CLEC2A: variants seen among roughly 807,000 people sequenced by gnomAD.
CLEC2A encodes the protein keratinocyte-associated C-type lectin.
Under a neutral mutation model 18.6 loss-of-function variants are expected in CLEC2A, and 19 were observed. The ratio of observed to expected loss-of-function variants is 1.02; its 90% CI spans 0.71 to 1.50. The LOEUF (loss-of-function observed/expected upper bound fraction) is 1.50, where lower values mean the gene tolerates loss of function less well. Among genes scored for constraint, CLEC2A ranks in the 40% most tolerant of loss-of-function variants. CLEC2A has a pLI of 0.00. For missense variants in CLEC2A, 190 were observed against 207.9 expected, an observed-to-expected ratio of 0.91 and a Z score of 0.53; for synonymous variants, 74 against 64.0, an observed-to-expected ratio of 1.16 and a Z score of -0.75.
chr12:9,909,593 T>C (rs12314775), downstream of CLEC2A, among the ~76,000 whole-genome samples: 2,902 of 152,334 alleles, frequency 0.019, 83 homozygotes, highest in African/African-American at 0.067. Context: ...GGAGCATTTA[T>C]GAAGCTGATG....
At chr12:9,902,152 C>T (rs1358107524) in intron 4 of CLEC2A, among the ~76,000 whole-genome samples, 3 of 151,204 alleles carry the variant, frequency 2.0e-5, no homozygotes, top group Non-Finnish European at 2.9e-5. Flanking sequence ...GTAGTTTCCA[C>T]TAATGCCTAG....
intron 2 of CLEC2A, among the ~76,000 whole-genome samples, chr12:9,924,626 T>C (rs909168820): frequency 6.6e-6 from 1 of 152,194 alleles, no homozygotes; most frequent in Non-Finnish European, 1.5e-5. Context: ...AATAAACCCA[T>C]AGAACCCAGA....
chr12:9,908,046 A>C (rs973761056), intron 4 of CLEC2A, among the ~76,000 whole-genome samples: 2 of 152,198 alleles, frequency 1.3e-5, no homozygotes, highest in Non-Finnish European at 2.9e-5. Flanking sequence ...TGGGGTGTTA[A>C]AAGAGGACAT....
intron 1 of CLEC2A, among the ~76,000 whole-genome samples, chr12:9,927,498 T>A (rs961436548): frequency 6.6e-6 from 1 of 152,194 alleles, no homozygotes; most frequent in African/African-American, 2.4e-5. Context: ...TATGCATATA[T>A]ATGCTTTATA....
chr12:9,916,489 C>T (rs1863072871), intron 4 of CLEC2A, among the ~76,000 whole-genome samples: 1 of 152,146 alleles, frequency 6.6e-6, no homozygotes, highest in South Asian at 2.1e-4. Flanking sequence ...TGGAAGATTT[C>T]ACCATGTGTC....
the CLEC2A span, among the ~76,000 whole-genome samples, chr12:9,889,381 A>G: frequency 1.3e-5 from 2 of 152,088 alleles, no homozygotes; most frequent in Non-Finnish European, 2.9e-5. Context: ...ATGAAATTGG[A>G]TTTTGCATTT....
rs145838627 is a variant in CLEC2A at position 9,932,358 on chromosome 12, A to G, written c.-29T>C. 1.4e-4 allele frequency: 216 copies of G among 1,551,260 alleles called. 2 individuals carry two copies. The East Asian group carries it at 3.4e-3, about 24-fold the overall frequency. ...AAGGCGCTAACCGATGGAGATCAGT[A>G]GGAGAGGACTAGAAAGCTTTTCATG... On this transcript the variant is annotated 5_prime_UTR_variant, in exon 1 of 5. Coordinates refer to ENST00000455827, the MANE Select transcript of CLEC2A (RefSeq NM_001130711.2).
chr12:9,912,261 G>T (rs993842972), downstream of CLEC2A, among the ~76,000 whole-genome samples: 1 of 152,174 alleles, frequency 6.6e-6, no homozygotes, highest in South Asian at 2.1e-4. Context: ...GGAAGGCTGT[G>T]GTGGCTTATG....
rs1420476861 is a variant in CLEC2A at position 9,920,214 on chromosome 12, C to A, written c.306+1852G>T. 2.0e-5 allele frequency among the ~76,000 whole-genome samples: 3 copies of A among 152,170 alleles called. No individual in the cohort carries two copies. The East Asian group carries it at 5.8e-4, about 29-fold the overall frequency. On this transcript the variant is annotated intron_variant, in intron 3 of 4. Coordinates refer to ENST00000455827, the MANE Select transcript of CLEC2A (RefSeq NM_001130711.2). ...TCGCTGCTCAGCCTCCTGGATTCAG[C>A]CCCTTTACTAGGGATGTGTAAGGGG... is the stretch of plus-strand genomic sequence containing the variant.
chr12:9,899,056 G>A, intron 4 of CLEC2A: 2 of 664,774 alleles, frequency 3.0e-6, no homozygotes, highest in Non-Finnish European at 2.8e-6. Context: ...AGTAAGAATG[G>A]CTCGAAAATT....
downstream of CLEC2A, among the ~76,000 whole-genome samples, chr12:9,910,452 C>T (rs1467615087): frequency 2.4e-4 from 36 of 152,150 alleles, no homozygotes; most frequent in Admixed American, 2.4e-3. Context: ...CTAGAGATTT[C>T]TTGCCCTCCC....
chr12:9,897,831 A>G (rs533696671), downstream of CLEC2A, among the ~76,000 whole-genome samples: 28 of 152,256 alleles, frequency 1.8e-4, no homozygotes, highest in African/African-American at 6.5e-4. Context: ...TTCTCTGGGG[A>G]TCTGCCCTTA....
At chr12:9,894,564 A>C (rs1204629367), downstream of CLEC2A, among the ~76,000 whole-genome samples, 2 of 152,196 alleles carry the variant, frequency 1.3e-5, no homozygotes, top group Admixed American at 1.3e-4. Flanking sequence ...GAGGTGTTGC[A>C]TGTAAGAGTG....
chr12:9,920,757 GT>G (rs1863159129), intron 3 of CLEC2A, among the ~76,000 whole-genome samples: 1 of 152,088 alleles, frequency 6.6e-6, no homozygotes, highest in Non-Finnish European at 1.5e-5. Flanking sequence ...CTTACTCTGT[GT>G]CCCTAGAGTC....
At chr12:9,892,371 AG>A in the CLEC2A span, among the ~76,000 whole-genome samples, 5 of 152,298 alleles carry the variant, frequency 3.3e-5, no homozygotes, top group African/African-American at 1.2e-4. Context: ...GAAATGTCAA[AG>A]GAATTAGAAC....
intron 1 of CLEC2A, among the ~76,000 whole-genome samples, chr12:9,931,097 A>G (rs1863368294): frequency 6.6e-6 from 1 of 152,104 alleles, no homozygotes. Context: ...GCTTTCTCAT[A>G]ATCTTCCAGT....
the CLEC2A span, among the ~76,000 whole-genome samples, chr12:9,890,843 G>A: frequency 2.6e-5 from 4 of 152,178 alleles, no homozygotes; most frequent in African/African-American, 9.7e-5. Context: ...CCAGAGGCTG[G>A]ACCTATGGGG....
At chr12:9,928,035 C>G (rs116289691) in intron 1 of CLEC2A, among the ~76,000 whole-genome samples, 2 of 151,970 alleles carry the variant, frequency 1.3e-5, no homozygotes, top group African/African-American at 4.8e-5. Context: ...TATTATTGAC[C>G]TGAACATAAA....
chr12:9,928,113 T>C (rs934833696), intron 1 of CLEC2A, among the ~76,000 whole-genome samples: 5 of 152,172 alleles, frequency 3.3e-5, no homozygotes, highest in African/African-American at 1.2e-4. Flanking sequence ...TAAAGCTGTC[T>C]TAGAGAAAGA....
Sources: gnomAD v4.1 joint callset for allele counts (sites outside exome capture counted in the v4.1 genomes callset) on GRCh38, gnomAD v4.1.1 for gene constraint, MANE v1.5 for transcripts, NCBI Gene and HGNC (gene_info 2026-07-23, HGNC 2026-07-21) for gene names.